DENND4A: variants seen among roughly 807,000 people sequenced by gnomAD.
The protein encoded by DENND4A is DENN domain containing 4A.
In DENND4A, 70 loss-of-function variants were observed where a neutral mutation model predicts 199.3. The observed-to-expected ratio is 0.35, with a 90% CI of 0.29 to 0.43. The LOEUF is 0.43. Ranked by LOEUF, DENND4A falls within the 20% of genes least tolerant of loss-of-function variation. The pLI is 1.00. For synonymous variants in DENND4A, 686 were observed against 766.9 expected (o/e 0.89, Z 1.74); for missense variants, 1,723 against 2,255.8 (o/e 0.76, Z 4.78).
intron 1 of DENND4A, chr15:65,771,460 C>T (rs1023807823): frequency 2.5e-6 from 4 of 1,606,340 alleles, no homozygotes; most frequent in African/African-American, 1.3e-5. Context: ...TAATAGTTTG[C>T]CCTGTTCCAG....
intron 23 of DENND4A, among the ~76,000 whole-genome samples, chr15:65,685,641 T>C (rs933079274): frequency 6.6e-6 from 1 of 152,238 alleles, no homozygotes; most frequent in African/African-American, 2.4e-5. Context: ...TGTAAATAGT[T>C]CTTATACTGT....
intron 14 of DENND4A, among the ~76,000 whole-genome samples, chr15:65,711,360 GGC>G (rs1404770135): frequency 2.6e-5 from 4 of 152,156 alleles, no homozygotes; most frequent in African/African-American, 9.7e-5. Context: ...CAGGCATGAT[GGC>G]ATATGCCTGT....
At chr15:65,678,471 C>T (rs62014383) in intron 23 of DENND4A, among the ~76,000 whole-genome samples, 9,371 of 152,242 alleles carry the variant, frequency 0.062, 307 homozygotes, top group African/African-American at 0.087. Flanking sequence ...AGGTATTATA[C>T]ACTGAAGTTT....
At chr15:65,764,971 CCAAAAA>C (rs2076944464) in intron 1 of DENND4A, among the ~76,000 whole-genome samples, 1 of 89,132 alleles carries the variant, frequency 1.1e-5, no homozygotes, top group Non-Finnish European at 2.2e-5. Context: ...GACCCTGTCT[CCAAAAA>C]AAAAAAAAAA....
chr15:65,685,431 TTA>T (rs1256297363), intron 23 of DENND4A, among the ~76,000 whole-genome samples: 2 of 152,216 alleles, frequency 1.3e-5, no homozygotes, highest in Admixed American at 6.5e-5. Flanking sequence ...CCCACAATTT[TTA>T]TAGTGTTAGC....
intron 4 of DENND4A, 134 bp from the exon 5 acceptor site, chr15:65,741,918 T>C (rs2076271717): frequency 5.3e-6 from 3 of 562,256 alleles, no homozygotes; most frequent in Non-Finnish European, 8.8e-6. Context: ...CTATTTTCAG[T>C]TGGCTGTTTT....
intron 12 of DENND4A, among the ~76,000 whole-genome samples, chr15:65,719,596 A>G (rs1211800151): frequency 6.6e-6 from 1 of 152,086 alleles, no homozygotes; most frequent in Non-Finnish European, 1.5e-5. Context: ...CCTGTCAAAG[A>G]TGTGTGACCT....
At chr15:65,777,660 A>T (rs1471162051) in intron 1 of DENND4A, among the ~76,000 whole-genome samples, 1 of 152,144 alleles carries the variant, frequency 6.6e-6, no homozygotes, top group African/African-American at 2.4e-5. Context: ...GCCACAAACA[A>T]AAAAATTGAT....
chr15:65,741,876 C>A, intron 4 of DENND4A, 92 bp from the exon 5 acceptor site: 2 of 934,918 alleles, frequency 2.1e-6, no homozygotes, highest in Admixed American at 2.4e-5. Flanking sequence ...TATGTATTAT[C>A]TAATATGTAG....
intron 1 of DENND4A, among the ~76,000 whole-genome samples, chr15:65,781,983 G>A (rs932430961): frequency 6.6e-6 from 1 of 152,158 alleles, no homozygotes; most frequent in African/African-American, 2.4e-5. Flanking sequence ...CAAGTTTAGT[G>A]ATATGAAAAA....
At chr15:65,743,138 T>C (rs1332829675) in intron 4 of DENND4A, among the ~76,000 whole-genome samples, 1 of 152,168 alleles carries the variant, frequency 6.6e-6, no homozygotes, top group Non-Finnish European at 1.5e-5. Flanking sequence ...CGCCACAGTC[T>C]ATCACTACAT....
At chr15:65,771,709 CA>C (rs2077130671) in intron 1 of DENND4A, 91 of 1,610,092 alleles carry the variant, frequency 5.7e-5, no homozygotes, top group Non-Finnish European at 7.5e-5. Context: ...ATATATTAAA[CA>C]AGTCTTCTGG....
At chr15:65,761,673 GA>G (rs1489767249) in intron 1 of DENND4A, among the ~76,000 whole-genome samples, 1 of 148,646 alleles carries the variant, frequency 6.7e-6, no homozygotes, top group Non-Finnish European at 1.5e-5. Flanking sequence ...GAAAAAAAAA[GA>G]AAAAACTAGC....
In DENND4A at chr15:65,709,722, AT is replaced by A. The variant is rs1364060990; in HGVS notation, c.1954-3499del. On this transcript the variant is annotated intron_variant, in intron 14 of 32. Transcript: ENST00000443035. ...AAAAAAAAAAAAAAAAAAAAAAAAT[AT>A]ATATATATATATATATATAATCTCG... Among the ~76,000 whole-genome samples, 112 of 107,932 alleles carry A rather than the reference AT, an allele frequency of 1.0e-3. 1 individual carries two copies. Among genetic ancestry groups the A allele is most frequent in the Middle Eastern group, 4.7e-3 (1 of 214 alleles). 70.8% of individuals were successfully genotyped at this position (107,932 alleles called of 152,430 possible). A position where few individuals can be genotyped will look rare whatever the true frequency, so the allele number is the denominator to read the frequency against.
At chr15:65,729,023 T>C (rs1414375150) in intron 11 of DENND4A, 49 bp downstream of exon 11, 1 of 1,470,208 alleles carries the variant, frequency 6.8e-7, no homozygotes, top group East Asian at 2.5e-5. Flanking sequence ...TACATACATA[T>C]GCTACAAAGT....
At chr15:65,702,152 T>C (rs2074894581) in intron 17 of DENND4A, among the ~76,000 whole-genome samples, 153 bp downstream of exon 17, 2 of 152,136 alleles carry the variant, frequency 1.3e-5, no homozygotes, top group South Asian at 4.1e-4. Context: ...TAGTCACAGC[T>C]ATCTGGGAGG....
chr15:65,678,129 T>C (rs542621411), intron 23 of DENND4A, among the ~76,000 whole-genome samples: 3 of 152,250 alleles, frequency 2.0e-5, no homozygotes, highest in East Asian at 3.9e-4. Flanking sequence ...GGTTTCACCA[T>C]GTTGGCCAGG....
chr15:65,743,586 C>G (rs1012061505), intron 4 of DENND4A, among the ~76,000 whole-genome samples: 5 of 152,194 alleles, frequency 3.3e-5, no homozygotes, highest in African/African-American at 1.2e-4. Context: ...TTCTAACATA[C>G]TATACTTTAA....
At chr15:65,715,431 C>G in intron 14 of DENND4A, 47 bp downstream of exon 14, 4 of 1,523,676 alleles carry the variant, frequency 2.6e-6, no homozygotes, top group Non-Finnish European at 3.5e-6. Flanking sequence ...ACATTTATAA[C>G]AGTCACACAA....
Sources: allele counts gnomAD v4.1 joint callset (sites outside exome capture counted in the v4.1 genomes callset), GRCh38; gene constraint gnomAD v4.1.1; transcripts MANE v1.5; gene names NCBI Gene and HGNC (gene_info 2026-07-23, HGNC 2026-07-21).